PALM2AKAP2: variants seen among roughly 807,000 people sequenced by gnomAD.
PALM2AKAP2 encodes the protein PALM2-AKAP2 fusion protein.
In PALM2AKAP2, 37 loss-of-function variants were observed where a neutral mutation model predicts 71.5. The ratio of observed to expected loss-of-function variants is 0.52; its 90% CI spans 0.40 to 0.68. The LOEUF is 0.68. PALM2AKAP2 is among the 30% of genes least tolerant of loss of function. The pLI is 0.00. For synonymous variants in PALM2AKAP2, 468 were observed against 478.8 expected (o/e 0.98, Z 0.29); for missense variants, 1,224 against 1,191.8 (o/e 1.03, Z -0.40).
intron 1 of PALM2AKAP2, among the ~76,000 whole-genome samples, chr9:109,863,199 A>G (rs1414685962): frequency 1.3e-5 from 2 of 152,228 alleles, no homozygotes; most frequent in Non-Finnish European, 2.9e-5. Context: ...GTAATGTGCT[A>G]AAGATGCTAA....
At chr9:109,790,563 C>G (rs942624595) in intron 1 of PALM2AKAP2, among the ~76,000 whole-genome samples, 1 of 152,114 alleles carries the variant, frequency 6.6e-6, no homozygotes, top group Non-Finnish European at 1.5e-5. Context: ...AAATGGGGCT[C>G]TAGGATTTGG....
chr9:109,921,308 A>G (rs918036049), intron 3 of PALM2AKAP2, among the ~76,000 whole-genome samples: 1 of 152,152 alleles, frequency 6.6e-6, no homozygotes, highest in African/African-American at 2.4e-5. Context: ...TTAATAATGT[A>G]TGTTACTATT....
intron 1 of PALM2AKAP2, among the ~76,000 whole-genome samples, chr9:109,712,737 T>C (rs553382939): frequency 6.6e-6 from 1 of 152,308 alleles, no homozygotes; most frequent in South Asian, 2.1e-4. Flanking sequence ...AGAGATCCCA[T>C]ACCCATCTCA....
intron 1 of PALM2AKAP2, among the ~76,000 whole-genome samples, chr9:109,827,466 A>G (rs1437967894): frequency 6.6e-6 from 1 of 152,098 alleles, no homozygotes; most frequent in Non-Finnish European, 1.5e-5. Context: ...AAAATTAGCC[A>G]GGCATGGTGG....
At chr9:110,077,458 A>T (rs1238149079) in intron 1 of PALM2AKAP2, among the ~76,000 whole-genome samples, 1 of 148,206 alleles carries the variant, frequency 6.7e-6, no homozygotes, top group African/African-American at 2.7e-5. Flanking sequence ...GAGAAACCTT[A>T]GACAGAAAGC....
intron 6 of PALM2AKAP2, among the ~76,000 whole-genome samples, chr9:110,008,327 G>C (rs2132308448): frequency 6.6e-6 from 1 of 152,232 alleles, no homozygotes; most frequent in African/African-American, 2.4e-5. Flanking sequence ...ACTGGGCACA[G>C]TGGAAACAGA....
rs78455264 is a variant in PALM2AKAP2, at chr9:109,743,089, C to A, written c.6-37399C>A. On this transcript the variant is annotated intron_variant, in intron 1 of 6. Coordinates refer to the PALM2AKAP2 transcript ENST00000374531. ...TTCAAGGAGCTGATTCCTTTTAAGG[C>A]AGGCAAAAAGCTGCTTCCCATTCAC... Among the ~76,000 whole-genome samples the A allele has an allele frequency of 3.4e-3, 514 of 152,236 alleles. 4 individuals carry two copies. Among genetic ancestry groups the A allele is most frequent in the African/African-American group, 0.012 (493 of 41,536 alleles).
intron 1 of PALM2AKAP2, among the ~76,000 whole-genome samples, chr9:109,751,086 C>T (rs1375622162): frequency 6.6e-6 from 1 of 152,138 alleles, no homozygotes; most frequent in Non-Finnish European, 1.5e-5. Flanking sequence ...TGAATCCAGC[C>T]AGGCAACCCT....
chr9:109,890,989 C>G (rs1830076587), intron 3 of PALM2AKAP2, among the ~76,000 whole-genome samples: 1 of 152,196 alleles, frequency 6.6e-6, no homozygotes, highest in African/African-American at 2.4e-5. Flanking sequence ...TATCTGAATA[C>G]CGCCCAGTGC....
chr9:109,755,347 C>G (rs1489054046), intron 1 of PALM2AKAP2, among the ~76,000 whole-genome samples: 2 of 152,098 alleles, frequency 1.3e-5, no homozygotes, highest in African/African-American at 2.4e-5. Context: ...TCATGTTGTT[C>G]CAGCCACAGT....
intron 1 of PALM2AKAP2, among the ~76,000 whole-genome samples, chr9:110,094,663 CGG>C (rs1491456395): frequency 1.2e-4 from 3 of 25,844 alleles, no homozygotes; most frequent in Admixed American, 6.1e-4. Context: ...AATAGCACCA[CGG>C]GGCGGGGGGG....
Position 109,989,300 on chromosome 9 carries a change from A to T in PALM2AKAP2, c.497-26654A>T, listed in dbSNP as rs533980938. 1.2e-3 allele frequency among the ~76,000 whole-genome samples: 182 copies of T among 152,300 alleles called. 1 individual carries two copies. Among genetic ancestry groups the T allele is most frequent in the African/African-American group, 4.3e-3 (179 of 41,570 alleles). On this transcript the variant is annotated intron_variant, in intron 6 of 9. Coordinates refer to the PALM2AKAP2 transcript ENST00000302798. ...ATCCTGTTGTCTTGCCCAACAATGA[A>T]TGGCAAGGCAAGCAGCTGGGACTAT...
At chr9:109,821,270 A>G (rs1203287673) in intron 1 of PALM2AKAP2, among the ~76,000 whole-genome samples, 1 of 152,216 alleles carries the variant, frequency 6.6e-6, no homozygotes, top group Non-Finnish European at 1.5e-5. Flanking sequence ...AACATGGCGC[A>G]TGTATACATA....
At chr9:109,867,009 C>T (rs951015480) in intron 1 of PALM2AKAP2, 4 of 456,442 alleles carry the variant, frequency 8.8e-6, no homozygotes, top group African/African-American at 8.0e-5. Flanking sequence ...ACAACGTCTG[C>T]TTATTTATGT....
chr9:110,030,946 C>G (rs1402792470), intron 7 of PALM2AKAP2, among the ~76,000 whole-genome samples: 1 of 152,292 alleles, frequency 6.6e-6, no homozygotes, highest in African/African-American at 2.4e-5. Context: ...AGAAATTAGT[C>G]AGTGGAGATG....
intron 1 of PALM2AKAP2, among the ~76,000 whole-genome samples, chr9:109,770,963 A>G (rs1422492570): frequency 6.6e-6 from 1 of 152,248 alleles, no homozygotes; most frequent in African/African-American, 2.4e-5. Context: ...GCTTAAACTC[A>G]GAGAAGTCAA....
chr9:110,007,789 G>A (rs754247724), intron 6 of PALM2AKAP2, among the ~76,000 whole-genome samples: 7 of 152,178 alleles, frequency 4.6e-5, no homozygotes, highest in Non-Finnish European at 8.8e-5. Flanking sequence ...GTGCATGGGA[G>A]CCTTCAGAAG....
chr9:110,116,101 G>A (rs552291339), intron 1 of PALM2AKAP2, among the ~76,000 whole-genome samples: 1 of 152,210 alleles, frequency 6.6e-6, no homozygotes, highest in African/African-American at 2.4e-5. Context: ...TAGACCCTCA[G>A]GCTCCACCGG....
chr9:109,881,718 G>C (rs893813386), intron 3 of PALM2AKAP2, among the ~76,000 whole-genome samples: 1 of 151,914 alleles, frequency 6.6e-6, no homozygotes, highest in Admixed American at 6.6e-5. Flanking sequence ...AGCCACTCCA[G>C]GTCCCAGGAC....
Sources: gnomAD v4.1 joint callset for allele counts (sites outside exome capture counted in the v4.1 genomes callset) on GRCh38, gnomAD v4.1.1 for gene constraint, MANE v1.5 for transcripts, NCBI Gene and HGNC (gene_info 2026-07-23, HGNC 2026-07-21) for gene names.